The following TENT4B variants were observed in gnomAD, a reference collection of about 807,000 sequenced individuals.
TENT4B encodes the protein terminal nucleotidyltransferase 4B, also known as PAP associated domain containing 5.
A neutral mutation model predicts 75.0 loss-of-function variants in TENT4B; 10 were observed. That is an observed-to-expected ratio of 0.13 (90% CI 0.08 to 0.23). The LOEUF (loss-of-function observed/expected upper bound fraction) is 0.23, where lower values mean the gene tolerates loss of function less well. TENT4B is among the 10% of genes least tolerant of loss of function. The probability of loss-of-function intolerance (pLI) is 1.00; values close to 1 mark genes in which losing one functional copy is unlikely to be tolerated. For missense variants in TENT4B, 579 were observed against 893.8 expected (o/e 0.65, Z 4.49); for synonymous variants, 350 against 357.7 (o/e 0.98, Z 0.24).
At chr16:50,169,695 G>C (rs2038170228) in intron 1 of TENT4B, among the ~76,000 whole-genome samples, 1 of 152,168 alleles carries the variant, frequency 6.6e-6, no homozygotes, top group Admixed American at 6.6e-5. Context: ...AACTGGGTCT[G>C]TTAATGAGCT....
At chr16:50,182,285 G>A (rs1317289084) in intron 1 of TENT4B, among the ~76,000 whole-genome samples, 1 of 152,144 alleles carries the variant, frequency 6.6e-6, no homozygotes, top group Non-Finnish European at 1.5e-5. Flanking sequence ...GAATCATCAA[G>A]AGAAAACTTA....
intron 1 of TENT4B, among the ~76,000 whole-genome samples, chr16:50,184,273 C>A (rs1407138141): frequency 1.3e-5 from 2 of 152,044 alleles, no homozygotes; most frequent in East Asian, 3.9e-4. Flanking sequence ...TTACTTTATC[C>A]TTTATGTGGC....
rs2032304195 is a variant in TENT4B at position 50,231,825 on chromosome 16, A to G, written c.*2497A>G. 1 of 985,134 alleles carries G rather than the reference A, an allele frequency of 1.0e-6. No individual in the cohort carries two copies. 61.0% of individuals were successfully genotyped at this position (985,134 alleles called of 1,614,324 possible). A position where few individuals can be genotyped will look rare whatever the true frequency, so the allele number is the denominator to read the frequency against. ...AATCTGAAGTAAAATACTTTCAAGA[A>G]CTTTTAGTTTGCCTGCTCATTTGTT... On this transcript the variant is annotated 3_prime_UTR_variant, in exon 12 of 12. Transcript: ENST00000561678.
intron 1 of TENT4B, among the ~76,000 whole-genome samples, chr16:50,156,659 C>CT (rs894515102): frequency 1.3e-5 from 2 of 150,942 alleles, no homozygotes; most frequent in African/African-American, 4.9e-5. Flanking sequence ...ATCCTGATTT[C>CT]TTTTTTTTCT....
chr16:50,193,901 G>A (rs1273070170), intron 1 of TENT4B, among the ~76,000 whole-genome samples: 1 of 152,194 alleles, frequency 6.6e-6, no homozygotes, highest in Non-Finnish European at 1.5e-5. Context: ...TGAAGGTCAA[G>A]TGGGGACTTC....
In TENT4B at chr16:50,153,651, A is replaced by C; in HGVS notation, c.30A>C (p.Pro10=). The C allele has an allele frequency of 2.0e-6, 2 of 1,006,112 alleles. No individual in the cohort carries two copies. The highest frequency in any genetic ancestry group is 2.4e-6 in the Non-Finnish European group (2 of 844,854). The allele number at this position is 1,006,112 out of a possible 1,614,324, so 62.3% of individuals were successfully genotyped here. The change falls in exon 1 of 12, where the codon CCA becomes CCC. Residue 10 remains proline, a synonymous_variant. Coordinates refer to ENST00000561678, the MANE Select transcript of TENT4B (RefSeq NM_001365324.3). ...ATCCGAGGATCGCCTGGTTTCAGCC[A>C]GAGCAGCTCGGACCGTCCAACAGTC... The part of the protein sequence containing the change: MDPRIAWFQ[P]EQLGPSNSLW...
chr16:50,224,846 T>C, intron 8 of TENT4B, 45 bp from the exon 9 acceptor site: 1 of 1,611,962 alleles, frequency 6.2e-7, no homozygotes, highest in Non-Finnish European at 8.5e-7. Flanking sequence ...TATCTTCAAA[T>C]TAATGTTATT....
chr16:50,154,277 G>C lies in TENT4B; in HGVS notation c.638+18G>C, dbSNP rs543722488. The stretch of plus-strand genomic sequence containing the variant: ...GTCGTGGGGTGAGTGCTGGCTCTGC[G>C]GCCCGATGGCCTGGCCGGTGCGAAT... On this transcript the variant is annotated intron_variant, in intron 1 of 11. Coordinates refer to ENST00000561678, the MANE Select transcript of TENT4B (RefSeq NM_001365324.3). The C allele has an allele frequency of 4.3e-6, 6 of 1,396,314 alleles. No individual in the cohort carries two copies. The highest frequency in any genetic ancestry group is 5.5e-6 in the Non-Finnish European group (6 of 1,081,906). The allele number at this position is 1,396,314 out of a possible 1,614,324, so 86.5% of individuals were successfully genotyped here.
At chr16:50,229,059 C>G in intron 11 of TENT4B, 93 bp from the exon 12 acceptor site, 1 of 1,546,224 alleles carries the variant, frequency 6.5e-7, no homozygotes, top group Non-Finnish European at 8.7e-7. Flanking sequence ...CAGCATATTC[C>G]TAGTTTTGAA....
At chr16:50,220,899 T>C (rs1439551176) in intron 5 of TENT4B, among the ~76,000 whole-genome samples, 1 of 152,222 alleles carries the variant, frequency 6.6e-6, no homozygotes, top group Admixed American at 6.5e-5. Flanking sequence ...TGATACAATT[T>C]GCAAAAGTAT....
intron 1 of TENT4B, among the ~76,000 whole-genome samples, chr16:50,197,564 C>T (rs1262064449): frequency 6.6e-6 from 1 of 152,234 alleles, no homozygotes; most frequent in African/African-American, 2.4e-5. Context: ...GCTGGGATTA[C>T]AGGCGTGAGC....
chr16:50,161,768 A>G (rs72780105), intron 1 of TENT4B, among the ~76,000 whole-genome samples: 10,950 of 152,332 alleles, frequency 0.072, 521 homozygotes, highest in Middle Eastern at 0.15. Context: ...TTTAATGTCA[A>G]GAACCAGGAA....
chr16:50,160,832 C>G lies in TENT4B; in HGVS notation c.638+6573C>G, dbSNP rs574114155. 1.7e-4 allele frequency among the ~76,000 whole-genome samples: 26 copies of G among 152,254 alleles called. No homozygotes were observed. In the South Asian group the frequency reaches 5.2e-3, roughly 30 times the overall value. On this transcript the variant is annotated intron_variant, in intron 1 of 11. Coordinates refer to ENST00000561678, the MANE Select transcript of TENT4B (RefSeq NM_001365324.3). ...AGCTTTCTATTCTCTCTTTTGTTGA[C>G]TCTGTTAAGAGTAACATTTAGTGGT... is the stretch of plus-strand genomic sequence containing the variant.
intron 1 of TENT4B, among the ~76,000 whole-genome samples, chr16:50,196,860 C>G (rs1377834288): frequency 6.6e-6 from 1 of 151,438 alleles, no homozygotes; most frequent in Non-Finnish European, 1.5e-5. Context: ...TGCTTGAGCC[C>G]AGGAAGTAAA....
Position 50,200,436 on chromosome 16 carries a change from TAGAAG to T in TENT4B, c.639-10882_639-10878del, listed in dbSNP as rs1174398993. Among the ~76,000 whole-genome samples the T allele has an allele frequency of 2.6e-5, 4 of 151,360 alleles. No homozygotes were observed. The South Asian group carries it at 8.4e-4, about 32-fold the overall frequency. ...AAGCAAAAATAAGTAAATAAATAAATAGAAGAGAAAAGAAAAAAGAAAAAACTGTC... is the reference window on the plus strand; with the variant it reads ...AAGCAAAAATAAGTAAATAAATAAATAGAAAAGAAAAAAGAAAAAACTGTC... On this transcript the variant is annotated intron_variant, in intron 1 of 11. Transcript: ENST00000561678.
chr16:50,224,374 C>A (rs1012289102), intron 7 of TENT4B, among the ~76,000 whole-genome samples: 2 of 152,080 alleles, frequency 1.3e-5, no homozygotes, highest in African/African-American at 4.8e-5. Context: ...TAGGAGTGAA[C>A]AGGGCACTAT....
chr16:50,195,451 G>C (rs2150714842), intron 1 of TENT4B, among the ~76,000 whole-genome samples: 1 of 152,272 alleles, frequency 6.6e-6, no homozygotes, highest in East Asian at 1.9e-4. Context: ...ACTGAAAGAG[G>C]AAAGGGGAGG....
chr16:50,231,142 T>TCACA lies in TENT4B; in HGVS notation c.*1816_*1817insCACA. 1 of 985,610 alleles carries TCACA rather than the reference T, an allele frequency of 1.0e-6. No homozygotes were observed. Among genetic ancestry groups the TCACA allele is most frequent in the Non-Finnish European group, 1.2e-6 (1 of 829,704 alleles). The allele number at this position is 985,610 out of a possible 1,614,324, so 61.1% of individuals were successfully genotyped here. ...AAAAATGTGTTCCAAAACTGGAAAC[T>TCACA]CATAGTACTCGTGTAAACTGTGGAA... On this transcript the variant is annotated 3_prime_UTR_variant, in exon 12 of 12. Coordinates refer to ENST00000561678, the MANE Select transcript of TENT4B (RefSeq NM_001365324.3).
intron 1 of TENT4B, among the ~76,000 whole-genome samples, chr16:50,155,947 AT>A (rs941102443): frequency 1.1e-3 from 172 of 149,968 alleles, no homozygotes; most frequent in African/African-American, 3.6e-3. Flanking sequence ...CAAGATGCTT[AT>A]TTTTTTTTTG....
Sources: allele counts gnomAD v4.1 joint callset (sites outside exome capture counted in the v4.1 genomes callset), GRCh38; gene constraint gnomAD v4.1.1; transcripts MANE v1.5; gene names NCBI Gene and HGNC (gene_info 2026-07-23, HGNC 2026-07-21).